The following CD200R1 variants were observed in gnomAD, a reference collection of about 807,000 sequenced individuals.
CD200R1 encodes CD200 receptor 1, also known as cell surface glycoprotein CD200 receptor 1.
Under a neutral mutation model 38.1 loss-of-function variants are expected in CD200R1, and 30 were observed. The ratio of observed to expected loss-of-function variants is 0.79; its 90% CI spans 0.59 to 1.07. The LOEUF is 1.07. Ranked by LOEUF, CD200R1 falls within the 50% of genes least tolerant of loss-of-function variation. CD200R1 has a pLI of 0.00. For missense variants in CD200R1, 372 were observed against 415.4 expected, an observed-to-expected ratio of 0.90 and a Z score of 0.91; for synonymous variants, 128 against 152.1, an observed-to-expected ratio of 0.84 and a Z score of 1.16.
chr3:112,944,405 A>C (rs931770337), intron 2 of CD200R1, among the ~76,000 whole-genome samples: 23 of 152,006 alleles, frequency 1.5e-4, no homozygotes, highest in African/African-American at 5.5e-4. Flanking sequence ...CCATAGATAC[A>C]TAAAAAGCAT....
intron 1 of CD200R1, among the ~76,000 whole-genome samples, chr3:112,972,998 A>G (rs778314146): frequency 6.6e-6 from 1 of 152,242 alleles, no homozygotes; most frequent in Non-Finnish European, 1.5e-5. Context: ...GATTTTAAAC[A>G]TTTAATAACT....
At chr3:112,960,393 G>A (rs1171279067) in intron 1 of CD200R1, among the ~76,000 whole-genome samples, 1 of 151,976 alleles carries the variant, frequency 6.6e-6, no homozygotes, top group Non-Finnish European at 1.5e-5. Context: ...TATGAGATTT[G>A]TTTTGTAAAA....
At chr3:112,933,842 A>T (rs1005387857) in intron 2 of CD200R1, among the ~76,000 whole-genome samples, 15 of 152,150 alleles carry the variant, frequency 9.9e-5, no homozygotes, top group South Asian at 2.1e-4. Context: ...TGAAATAAAA[A>T]ATACGATTTT....
chr3:112,966,238 A>T (rs751884743), intron 1 of CD200R1, among the ~76,000 whole-genome samples: 18 of 152,156 alleles, frequency 1.2e-4, no homozygotes, highest in Non-Finnish European at 2.6e-4. Context: ...GAACCCTGGC[A>T]CCCATCAGAA....
intron 2 of CD200R1, among the ~76,000 whole-genome samples, chr3:112,945,120 TGA>T (rs912482775): frequency 2.6e-5 from 4 of 152,190 alleles, no homozygotes; most frequent in African/African-American, 9.6e-5. Flanking sequence ...ATAGGGTGAA[TGA>T]ATATTACCAA....
chr3:112,961,329 G>C (rs1933014647), intron 1 of CD200R1, among the ~76,000 whole-genome samples: 1 of 151,144 alleles, frequency 6.6e-6, no homozygotes, highest in Non-Finnish European at 1.5e-5. Flanking sequence ...TAGCCATGTG[G>C]GAAAATAAAA....
chr3:112,925,176 AT>A lies in CD200R1; in HGVS notation c.786del (p.Lys262AsnfsTer17). On this transcript the variant is annotated frameshift_variant, in exon 6 of 8. Coordinates refer to ENST00000308611, the MANE Select transcript of CD200R1 (RefSeq NM_138806.4). LOFTEE classifies it high-confidence loss of function. ...ATATATGGAATATATAATTTTGCTG[AT>A]TTTTTGGCACCTGGAACTATAGACA... ...IELLPVPGAK[K>X]SAKLYIPYII... 3 of 1,584,652 alleles carry A rather than the reference AT, an allele frequency of 1.9e-6. No individual in the cohort carries two copies. Among genetic ancestry groups the A allele is most frequent in the Non-Finnish European group, 2.6e-6 (3 of 1,155,332 alleles).
intron 2 of CD200R1, among the ~76,000 whole-genome samples, chr3:112,940,741 A>C (rs894318145): frequency 1.1e-4 from 16 of 151,818 alleles, no homozygotes; most frequent in African/African-American, 3.9e-4. Flanking sequence ...AATAGTATGG[A>C]AGTTCCTAAA....
In CD200R1 at chr3:112,931,133, G is replaced by A. The variant is rs752955143; in HGVS notation, c.175C>T (p.Gln59Ter). The A allele has an allele frequency of 1.2e-6, 2 of 1,610,404 alleles. No individual in the cohort carries two copies. The highest frequency in any genetic ancestry group is 1.1e-5 in the South Asian group (1 of 90,998). ...SLCMDEKQIT[Q>*]NYSKVLAEVN... ...TCTGCGAGTACTTTCGAGTAGTTCT[G>A]TGTAATCTGTTTTTCATCCATACAT... The change falls in exon 3 of 8, where the codon CAG (glutamine) becomes TAG (stop). Residue 59 changes from glutamine (Q) to a stop codon, truncating the protein, a stop_gained. Coordinates refer to ENST00000308611, the MANE Select transcript of CD200R1 (RefSeq NM_138806.4). LOFTEE classifies it high-confidence loss of function.
intron 1 of CD200R1, among the ~76,000 whole-genome samples, chr3:112,972,707 C>T (rs528957573): frequency 6.6e-6 from 1 of 152,186 alleles, no homozygotes; most frequent in South Asian, 2.1e-4. Context: ...TGCCAAGCTG[C>T]TTGAAGTTAT....
chr3:112,934,422 G>GA (rs1181689383), intron 2 of CD200R1, among the ~76,000 whole-genome samples: 213 of 147,864 alleles, frequency 1.4e-3, no homozygotes, highest in African/African-American at 4.7e-3. Flanking sequence ...TCACCAAGCA[G>GA]AAAAAAAAAA....
At chr3:112,935,214 C>T (rs1559947196) in intron 2 of CD200R1, among the ~76,000 whole-genome samples, 1 of 152,096 alleles carries the variant, frequency 6.6e-6, no homozygotes, top group Admixed American at 6.5e-5. Flanking sequence ...AACATTGGAT[C>T]TAAACCACAC....
chr3:112,948,876 G>C (rs1420891025), intron 1 of CD200R1, among the ~76,000 whole-genome samples: 2 of 152,204 alleles, frequency 1.3e-5, no homozygotes, highest in Non-Finnish European at 2.9e-5. Flanking sequence ...TTAAGATCCA[G>C]GAGAGGCAGT....
chr3:112,964,672 T>C (rs1933112619), intron 1 of CD200R1, among the ~76,000 whole-genome samples: 1 of 152,232 alleles, frequency 6.6e-6, no homozygotes, highest in Non-Finnish European at 1.5e-5. Flanking sequence ...ACTTGCCTTG[T>C]CTCTGATGTG....
chr3:112,939,176 G>C (rs1256418600), intron 2 of CD200R1, among the ~76,000 whole-genome samples: 1 of 151,796 alleles, frequency 6.6e-6, no homozygotes, highest in Non-Finnish European at 1.5e-5. Context: ...TACTAAATGG[G>C]GAAAAGCTTT....
At chr3:112,952,783 T>A (rs1376227568) in intron 1 of CD200R1, among the ~76,000 whole-genome samples, 1 of 151,752 alleles carries the variant, frequency 6.6e-6, no homozygotes, top group Non-Finnish European at 1.5e-5. Context: ...ACTTAAAGTA[T>A]AATAATAATA....
intron 1 of CD200R1, among the ~76,000 whole-genome samples, chr3:112,964,190 T>C (rs968359104): frequency 6.6e-6 from 1 of 152,126 alleles, no homozygotes; most frequent in African/African-American, 2.4e-5. Context: ...GCTAGGGCAG[T>C]ATGGAATGGA....
chr3:112,944,477 G>T (rs1940798098), intron 2 of CD200R1, among the ~76,000 whole-genome samples: 1 of 94,636 alleles, frequency 1.1e-5, no homozygotes, highest in Non-Finnish European at 2.1e-5. Context: ...GGGATAAAGA[G>T]AAATTTCTCA....
chr3:112,943,288 C>A (rs1481617798), intron 2 of CD200R1, among the ~76,000 whole-genome samples: 2 of 151,416 alleles, frequency 1.3e-5, no homozygotes, highest in Non-Finnish European at 3.0e-5. Flanking sequence ...TGCTTTTAGA[C>A]CATGATGGAA....
Sources: allele counts gnomAD v4.1 joint callset (sites outside exome capture counted in the v4.1 genomes callset), GRCh38; gene constraint gnomAD v4.1.1; transcripts MANE v1.5; gene names NCBI Gene and HGNC (gene_info 2026-07-23, HGNC 2026-07-21).